The following THSD7A variants were observed in gnomAD, a reference collection of about 807,000 sequenced individuals.
THSD7A encodes thrombospondin type-1 domain-containing protein 7A.
A neutral mutation model predicts 231.3 loss-of-function variants in THSD7A; 96 were observed. That is an observed-to-expected ratio of 0.41 (90% CI 0.35 to 0.49). THSD7A has a LOEUF of 0.49. Ranked by LOEUF, THSD7A falls within the 20% of genes least tolerant of loss-of-function variation. The pLI is 0.05. For missense variants in THSD7A, 2,290 were observed against 2,070.2 expected, an observed-to-expected ratio of 1.11 and a Z score of -2.06; for synonymous variants, 940 against 743.3, an observed-to-expected ratio of 1.26 and a Z score of -4.30.
chr7:11,817,987 T>G (rs572780852), intron 1 of THSD7A, among the ~76,000 whole-genome samples: 2 of 152,314 alleles, frequency 1.3e-5, no homozygotes, highest in East Asian at 3.9e-4. Flanking sequence ...TTGCAACTAA[T>G]CTGGAAATCC....
At chr7:11,421,599 C>T (rs930623382) in intron 16 of THSD7A, among the ~76,000 whole-genome samples, 1 of 152,214 alleles carries the variant, frequency 6.6e-6, no homozygotes, top group South Asian at 2.1e-4. Context: ...TTAAGAAAAT[C>T]AGAAGAAATA....
rs114747967 is a variant in THSD7A at position 11,734,285 on chromosome 7, C to T, written c.191-97324G>A. Reference sequence around the variant, plus strand: ...ACACACCACAGGCAGGTGAATTATTCCCGTTGCACAACCTCTAATCATTGG... The same window carrying T: ...ACACACCACAGGCAGGTGAATTATTTCCGTTGCACAACCTCTAATCATTGG... On this transcript the variant is annotated intron_variant, in intron 1 of 27. Coordinates refer to ENST00000423059, the MANE Select transcript of THSD7A (RefSeq NM_015204.3). Among the ~76,000 whole-genome samples the T allele has an allele frequency of 4.4e-3, 668 of 152,066 alleles. 3 individuals carry two copies. Among genetic ancestry groups the T allele is most frequent in the African/African-American group, 0.015 (625 of 41,546 alleles).
At chr7:11,798,452 CAG>C (rs887190093) in intron 1 of THSD7A, among the ~76,000 whole-genome samples, 1 of 149,168 alleles carries the variant, frequency 6.7e-6, no homozygotes, top group Admixed American at 6.7e-5. Context: ...GCCTGGGCGA[CAG>C]AGTGAGACGC....
At chr7:11,425,344 G>T (rs2115416858) in intron 15 of THSD7A, among the ~76,000 whole-genome samples, 1 of 152,160 alleles carries the variant, frequency 6.6e-6, no homozygotes. Context: ...TAGATTTTTG[G>T]TGTGTATCAT....
At chr7:11,479,369 T>C (rs184144029) in intron 7 of THSD7A, among the ~76,000 whole-genome samples, 206 of 152,328 alleles carry the variant, frequency 1.4e-3, no homozygotes, top group African/African-American at 4.8e-3. Context: ...TGTATGTTAT[T>C]TCCCTAGAAA....
At chr7:11,497,009 T>C (rs1398562140) in intron 6 of THSD7A, among the ~76,000 whole-genome samples, 2 of 152,134 alleles carry the variant, frequency 1.3e-5, no homozygotes, top group Non-Finnish European at 2.9e-5. Flanking sequence ...ATACCCGAGA[T>C]GGGGTAATTT....
intron 4 of THSD7A, among the ~76,000 whole-genome samples, chr7:11,554,520 T>G (rs1173040056): frequency 6.6e-6 from 1 of 152,126 alleles, no homozygotes. Context: ...TATGAATGGA[T>G]GCTAAATTTT....
chr7:11,649,755 G>A lies in THSD7A; in HGVS notation c.191-12794C>T, dbSNP rs553057536. The stretch of plus-strand genomic sequence containing the variant: ...TGTCACCTATAATAATGTGGAAGTC[G>A]AAATTATATCCAATTAACTGGGTGA... On this transcript the variant is annotated intron_variant, in intron 1 of 27. Transcript: ENST00000423059. 3.9e-5 allele frequency among the ~76,000 whole-genome samples: 6 copies of A among 152,154 alleles called. No homozygotes were observed. In the South Asian group the frequency reaches 6.2e-4, roughly 16 times the overall value.
chr7:11,396,664 G>A (rs113402059), intron 23 of THSD7A, among the ~76,000 whole-genome samples: 39 of 152,238 alleles, frequency 2.6e-4, no homozygotes, highest in African/African-American at 8.7e-4. Context: ...AAAAAGCCCA[G>A]GAACAGACAG....
intron 4 of THSD7A, among the ~76,000 whole-genome samples, chr7:11,551,741 C>G (rs1166781930): frequency 6.6e-6 from 1 of 152,006 alleles, no homozygotes; most frequent in African/African-American, 2.4e-5. Context: ...TTATACACTG[C>G]CAGTGGGAAT....
intron 2 of THSD7A, among the ~76,000 whole-genome samples, chr7:11,627,802 C>T (rs1781520932): frequency 6.6e-6 from 1 of 152,080 alleles, no homozygotes; most frequent in Non-Finnish European, 1.5e-5. Flanking sequence ...TTCTGACTGC[C>T]TAGTTGCTCT....
intron 23 of THSD7A, among the ~76,000 whole-genome samples, chr7:11,399,723 C>G (rs1031701201): frequency 6.6e-6 from 1 of 152,158 alleles, no homozygotes; most frequent in African/African-American, 2.4e-5. Context: ...GGACTGTAAA[C>G]TAGTTCAGCT....
intron 19 of THSD7A, 48 bp from the exon 20 acceptor site, chr7:11,407,471 G>A (rs778210478): frequency 7.1e-7 from 1 of 1,415,064 alleles, no homozygotes; most frequent in Non-Finnish European, 9.8e-7. Context: ...ATTGGGGGAG[G>A]GAGCCAGAGA....
intron 2 of THSD7A, among the ~76,000 whole-genome samples, chr7:11,598,487 T>C (rs1780444329): frequency 1.3e-5 from 2 of 152,288 alleles, no homozygotes; most frequent in South Asian, 2.1e-4. Flanking sequence ...ATGGAGGTTA[T>C]GGATGGGCTC....
chr7:11,661,804 G>T (rs1256082380), intron 1 of THSD7A, among the ~76,000 whole-genome samples: 1 of 151,332 alleles, frequency 6.6e-6, no homozygotes, highest in African/African-American at 2.4e-5. Flanking sequence ...AGCAATGATA[G>T]TATGACTCAT....
chr7:11,749,645 C>G (rs1383818831), intron 1 of THSD7A, among the ~76,000 whole-genome samples: 2 of 152,014 alleles, frequency 1.3e-5, no homozygotes, highest in African/African-American at 2.4e-5. Flanking sequence ...AGAGTGGAAA[C>G]TTGAGAAGAT....
At chr7:11,701,610 G>C (rs567813116) in intron 1 of THSD7A, among the ~76,000 whole-genome samples, 1 of 151,028 alleles carries the variant, frequency 6.6e-6, no homozygotes, top group Non-Finnish European at 1.5e-5. Context: ...TCAAAATTTA[G>C]TGTTCAAATA....
chr7:11,568,773 G>C (rs964939272), intron 4 of THSD7A, among the ~76,000 whole-genome samples: 1 of 151,612 alleles, frequency 6.6e-6, no homozygotes, highest in African/African-American at 2.4e-5. Context: ...TTGGGAAAGA[G>C]GAAGTCAAAC....
chr7:11,589,529 T>C (rs146435725), intron 4 of THSD7A, among the ~76,000 whole-genome samples: 3 of 152,194 alleles, frequency 2.0e-5, no homozygotes, highest in Non-Finnish European at 4.4e-5. Context: ...GCATGGCATA[T>C]TGCATTTTAA....
Sources: gnomAD v4.1 joint callset for allele counts (sites outside exome capture counted in the v4.1 genomes callset) on GRCh38, gnomAD v4.1.1 for gene constraint, MANE v1.5 for transcripts, NCBI Gene and HGNC (gene_info 2026-07-23, HGNC 2026-07-21) for gene names.